The following PHIP variants were observed in gnomAD, a reference collection of about 807,000 sequenced individuals.
PHIP encodes PHIP subunit of CUL4-Ring ligase complex, also known as PH-interacting protein.
Under a neutral mutation model 236.8 loss-of-function variants are expected in PHIP, and 54 were observed. The observed-to-expected ratio is 0.23, with a 90% CI of 0.18 to 0.29. PHIP has a LOEUF of 0.29. PHIP is among the 10% of genes least tolerant of loss of function. The pLI, the probability that PHIP is intolerant of heterozygous loss-of-function variation, is 1.00. For missense variants in PHIP, 1,370 were observed against 2,190.8 expected (o/e 0.63, Z 7.48); for synonymous variants, 756 against 718.9 (o/e 1.05, Z -0.83).
chr6:78,955,820 T>A (rs1562123225), intron 32 of PHIP, 138 bp from the exon 33 acceptor site: 2 of 463,920 alleles, frequency 4.3e-6, no homozygotes, highest in Non-Finnish European at 3.9e-6. Flanking sequence ...CTTACTCCAA[T>A]AATTTATGCA....
intron 6 of PHIP, among the ~76,000 whole-genome samples, chr6:79,044,292 A>C (rs1772364140): frequency 6.6e-6 from 1 of 152,092 alleles, no homozygotes; most frequent in South Asian, 2.1e-4. Flanking sequence ...CTACCCCAAC[A>C]CTTGGGAATT....
chr6:79,026,105 G>A lies in PHIP; in HGVS notation c.660C>T (p.Thr220=), dbSNP rs554494400. The A allele has an allele frequency of 2.4e-4, 389 of 1,613,924 alleles. 8 individuals are homozygous for A. In the South Asian group the frequency reaches 4.1e-3, roughly 17 times the overall value. ...WATDDGRLLA[T]LRGHAAEISD... is the part of the protein sequence containing the mutation. ...ATATTTCAGCAGCATGTCCTCTTAAGGTAGCTAACAACCTCCCATCATCTG... is the reference window on the plus strand; with the variant it reads ...ATATTTCAGCAGCATGTCCTCTTAAAGTAGCTAACAACCTCCCATCATCTG... Residue 220 remains threonine, a synonymous_variant, in exon 8 of 40, where the codon ACC becomes ACT. Transcript: ENST00000275034.
At chr6:79,075,873 C>A (rs930760377) in intron 4 of PHIP, among the ~76,000 whole-genome samples, 1 of 152,018 alleles carries the variant, frequency 6.6e-6, no homozygotes, top group Non-Finnish European at 1.5e-5. Flanking sequence ...GTATTATAAT[C>A]TTTGCGATAA....
In PHIP at chr6:78,946,131, A is replaced by G. The variant is rs749199998; in HGVS notation, c.4500T>C (p.Ser1500=). Residue 1500 remains serine, a synonymous_variant, in exon 38 of 40, where the codon TCT becomes TCC. Transcript: ENST00000275034. ...TGCTTCTGGTTCGAACCACAGAACT[A>G]GATTCTGTTTTACCGTTTATCTGAG... is the stretch of plus-strand genomic sequence containing the variant. The part of the protein sequence containing the change: ...NAAQINGKTE[S]SSVVRTRSNR... 1.2e-6 allele frequency: 2 copies of G among 1,613,956 alleles called. No individual in the cohort carries two copies. The highest frequency in any genetic ancestry group is 1.7e-6 in the Non-Finnish European group (2 of 1,179,828).
At chr6:79,007,232 T>A (rs757749033) in intron 15 of PHIP, among the ~76,000 whole-genome samples, 1 of 152,104 alleles carries the variant, frequency 6.6e-6, no homozygotes, top group Non-Finnish European at 1.5e-5. Context: ...GAAGGTACTA[T>A]ACACAACTAA....
At chr6:78,966,236 A>C (rs571393416) in intron 27 of PHIP, among the ~76,000 whole-genome samples, 180 bp from the exon 28 acceptor site, 212 of 152,372 alleles carry the variant, frequency 1.4e-3, no homozygotes, top group Admixed American at 2.5e-3. Context: ...AAAGGAATTT[A>C]GTAAGCATAC....
intron 15 of PHIP, among the ~76,000 whole-genome samples, chr6:79,006,674 T>C (rs1014578888): frequency 3.3e-5 from 5 of 152,086 alleles, no homozygotes; most frequent in African/African-American, 1.2e-4. Context: ...TAGCTTATGC[T>C]AGCTAGCACT....
chr6:79,066,833 A>G (rs1179208711), intron 4 of PHIP, among the ~76,000 whole-genome samples: 1 of 152,194 alleles, frequency 6.6e-6, no homozygotes, highest in Non-Finnish European at 1.5e-5. Flanking sequence ...AATTTCCCCA[A>G]GAATGCCCAT....
rs563306856 is a variant in PHIP, at chr6:79,039,460, AT to A, written c.600+3382del. On this transcript the variant is annotated intron_variant, in intron 7 of 39. Coordinates refer to ENST00000275034, the MANE Select transcript of PHIP (RefSeq NM_017934.7). Reference sequence around the variant, plus strand: ...GTTGGATTAGGTATCTTTATCTCCTATGGTATCTCAGTACCTTGTACACCTT... The same window carrying A: ...GTTGGATTAGGTATCTTTATCTCCTAGGTATCTCAGTACCTTGTACACCTT... Among the ~76,000 whole-genome samples the A allele has an allele frequency of 6.2e-4, 95 of 152,146 alleles. 1 individual carries two copies. In the South Asian group the frequency reaches 8.1e-3, roughly 13 times the overall value.
In PHIP at chr6:78,943,990, T is replaced by TAAAAA. The variant is rs558983037; in HGVS notation, c.4828+1305_4828+1309dup. On this transcript the variant is annotated intron_variant, in intron 39 of 39. Transcript: ENST00000275034. ...GACAGAGCAAGATCCTGTCTTTTTT[T>TAAAAA]AAAAAAAAAAAAAAAAAAAAAAAGG... 3.2e-3 allele frequency among the ~76,000 whole-genome samples: 251 copies of TAAAAA among 78,126 alleles called. 2 individuals carry two copies. The highest frequency in any genetic ancestry group is 3.9e-3 in the Non-Finnish European group (173 of 44,240). The allele number at this position is 78,126 out of a possible 152,430, so 51.3% of individuals were successfully genotyped here. A position where few individuals can be genotyped will look rare whatever the true frequency, so the allele number is the denominator to read the frequency against.
At chr6:79,073,832 T>C (rs995444392) in intron 4 of PHIP, among the ~76,000 whole-genome samples, 1 of 152,176 alleles carries the variant, frequency 6.6e-6, no homozygotes, top group Admixed American at 6.5e-5. Flanking sequence ...CACCAAAGAA[T>C]GGCACTATGA....
intron 16 of PHIP, 129 bp downstream of exon 16, chr6:79,003,601 T>A: frequency 1.7e-6 from 1 of 592,090 alleles, no homozygotes. Flanking sequence ...TCCAGACTAC[T>A]TAACACAAGA....
At chr6:78,974,915 T>A (rs986598176) in intron 24 of PHIP, among the ~76,000 whole-genome samples, 1 of 151,760 alleles carries the variant, frequency 6.6e-6, no homozygotes, top group Non-Finnish European at 1.5e-5. Context: ...CAGGATCAGA[T>A]GGATTCACAG....
At chr6:79,006,718 G>T (rs1381123301) in intron 15 of PHIP, among the ~76,000 whole-genome samples, 1 of 151,956 alleles carries the variant, frequency 6.6e-6, no homozygotes, top group Non-Finnish European at 1.5e-5. Flanking sequence ...TAGAAATAGA[G>T]TGAAACTAAT....
chr6:79,011,502 G>A (rs776818196), intron 15 of PHIP, among the ~76,000 whole-genome samples: 1 of 151,678 alleles, frequency 6.6e-6, no homozygotes, highest in Non-Finnish European at 1.5e-5. Flanking sequence ...AAGGGTAGGG[G>A]GAGTACAAGC....
chr6:79,005,629 G>T (rs1335694320), intron 15 of PHIP, among the ~76,000 whole-genome samples: 2 of 151,782 alleles, frequency 1.3e-5, no homozygotes, highest in South Asian at 2.1e-4. Flanking sequence ...GAACAAAAAA[G>T]CAACTACTTT....
At position 78,940,674 on chromosome 6, in the gene PHIP, TA is replaced by T; in HGVS notation, c.*18del. 1.3e-6 allele frequency: 2 copies of T among 1,565,274 alleles called. No individual in the cohort carries two copies. Among genetic ancestry groups the T allele is most frequent in the Non-Finnish European group, 1.7e-6 (2 of 1,145,192 alleles). On this transcript the variant is annotated 3_prime_UTR_variant, in exon 40 of 40. Coordinates refer to ENST00000275034, the MANE Select transcript of PHIP (RefSeq NM_017934.7). The stretch of plus-strand genomic sequence containing the variant: ...TGTACCTGCTTTATAGATTTTGAAG[TA>T]AAATATTTTGGTACAAGTTACCAAC...
intron 12 of PHIP, among the ~76,000 whole-genome samples, chr6:79,017,140 A>T (rs1770871170): frequency 2.0e-5 from 3 of 151,986 alleles, no homozygotes; most frequent in Admixed American, 2.0e-4. Context: ...AGTAATTACT[A>T]AAAGTGTCCA....
intron 19 of PHIP, among the ~76,000 whole-genome samples, chr6:78,996,397 T>C (rs1769618908): frequency 6.6e-6 from 1 of 152,220 alleles, no homozygotes; most frequent in South Asian, 2.1e-4. Flanking sequence ...AAAGTGATAG[T>C]AACAAACAGT....
Sources: allele counts gnomAD v4.1 joint callset (sites outside exome capture counted in the v4.1 genomes callset), GRCh38; gene constraint gnomAD v4.1.1; transcripts MANE v1.5; gene names NCBI Gene and HGNC (gene_info 2026-07-23, HGNC 2026-07-21).